Variants in PRR16 observed in about 807,000 individuals in gnomAD.
PRR16 encodes proline rich 16.
A neutral mutation model predicts 18.2 loss-of-function variants in PRR16; 6 were observed. That is an observed-to-expected ratio of 0.33 (90% CI 0.18 to 0.65). PRR16 has a LOEUF of 0.65. Ranked by LOEUF, PRR16 falls within the 30% of genes least tolerant of loss-of-function variation. The probability of loss-of-function intolerance (pLI) is 0.74; values close to 1 mark genes in which losing one functional copy is unlikely to be tolerated. For missense variants in PRR16, 412 were observed against 376.6 expected (o/e 1.09, Z -0.78); for synonymous variants, 151 against 147.8 (o/e 1.02, Z -0.16).
the PRR16 span, among the ~76,000 whole-genome samples, chr5:120,755,863 C>G: frequency 6.6e-6 from 1 of 152,046 alleles, no homozygotes; most frequent in Admixed American, 6.6e-5. Context: ...GCAATGAAAG[C>G]ACAGATTTAC....
At chr5:120,606,284 C>T (rs899594709) in intron 1 of PRR16, among the ~76,000 whole-genome samples, 2 of 152,100 alleles carry the variant, frequency 1.3e-5, no homozygotes, top group Admixed American at 6.5e-5. Flanking sequence ...CCTCAGGACT[C>T]CCAGAGCTGA....
At chr5:120,771,838 C>G in the PRR16 span, among the ~76,000 whole-genome samples, 1 of 151,418 alleles carries the variant, frequency 6.6e-6, no homozygotes, top group Admixed American at 6.6e-5. Flanking sequence ...ACTAGAAACA[C>G]GACTTTATAT....
chr5:120,481,751 G>A (rs1018354616), intron 1 of PRR16, among the ~76,000 whole-genome samples: 6 of 152,142 alleles, frequency 3.9e-5, no homozygotes, highest in Non-Finnish European at 7.4e-5. Context: ...TTTGGTTAGT[G>A]ATAAAATTTT....
At position 120,686,039 on chromosome 5, in the gene PRR16, G is replaced by GTA. The variant is rs746379959; in HGVS notation, c.246_247dup (p.Ser83IlefsTer11). On this transcript the variant is annotated frameshift_variant, in exon 2 of 2. Transcript: ENST00000407149. LOFTEE classifies it high-confidence loss of function. ...AGCTCCAAAACGGACACGCTGAATA[G>GTA]TAGCTCAAGTGGCACAACAGCCTCC... The GTA allele has an allele frequency of 6.2e-7, 1 of 1,613,996 alleles. No individual in the cohort carries two copies. The highest frequency in any genetic ancestry group is 8.5e-7 in the Non-Finnish European group (1 of 1,180,028).
intron 1 of PRR16, among the ~76,000 whole-genome samples, chr5:120,490,690 G>C (rs967214499): frequency 6.6e-6 from 1 of 152,174 alleles, no homozygotes; most frequent in African/African-American, 2.4e-5. Flanking sequence ...TTCCGTTGCT[G>C]GTGAGGAACT....
rs757280835 is a variant in PRR16, at chr5:120,686,638, A to G, written c.844A>G (p.Thr282Ala). Reference sequence around the variant, plus strand: ...CAGCTTCCCCCCTATCAGACCTGCAACTGTGCCTCCTCCCACTGCACCAAA... The same window carrying G: ...CAGCTTCCCCCCTATCAGACCTGCAGCTGTGCCTCCTCCCACTGCACCAAA... The part of the protein sequence containing the change: ...SNSFPPIRPA[T>A]VPPPTAPKPQ... Residue 282 changes from threonine to alanine, a missense_variant, in exon 2 of 2, where the codon ACT becomes GCT. Physicochemically the swap from Thr to Ala is moderately conservative, Grantham distance 58. Coordinates refer to ENST00000407149, the MANE Select transcript of PRR16 (RefSeq NM_001300783.2). 2 of 1,603,602 alleles carry G rather than the reference A, an allele frequency of 1.2e-6. No individual in the cohort carries two copies. Among genetic ancestry groups the G allele is most frequent in the Non-Finnish European group, 1.7e-6 (2 of 1,174,044 alleles).
At chr5:120,785,553 G>T in the PRR16 span, among the ~76,000 whole-genome samples, 1 of 138,980 alleles carries the variant, frequency 7.2e-6, no homozygotes, top group Non-Finnish European at 1.6e-5. Context: ...CTGTGTATGT[G>T]TGTGTGTGTT....
chr5:120,625,527 A>G (rs771558754), intron 1 of PRR16, among the ~76,000 whole-genome samples: 1 of 152,048 alleles, frequency 6.6e-6, no homozygotes, highest in East Asian at 1.9e-4. Context: ...TGGTAGAGAC[A>G]GGTTCTCACT....
intron 1 of PRR16, among the ~76,000 whole-genome samples, chr5:120,624,364 A>T (rs953671991): frequency 7.4e-4 from 112 of 152,304 alleles, no homozygotes; most frequent in African/African-American, 2.5e-3. Context: ...AACCAAATAG[A>T]GTGATTAAAG....
In PRR16 at chr5:120,647,393, T is replaced by TA. The variant is rs141579522; in HGVS notation, c.160-38551dup. On this transcript the variant is annotated intron_variant, in intron 1 of 1. Transcript: ENST00000407149. Reference sequence around the variant, plus strand: ...AACCTGCTTAATTTTTTAAGAGATTTAAAAAAAAAAGAGATTTCATAAATA... The same window carrying TA: ...AACCTGCTTAATTTTTTAAGAGATTTAAAAAAAAAAAGAGATTTCATAAATA... Among the ~76,000 whole-genome samples, 588 of 148,844 alleles carry TA rather than the reference T, an allele frequency of 4.0e-3. 3 individuals are homozygous for TA. Among genetic ancestry groups the TA allele is most frequent in the African/African-American group, 0.013 (545 of 40,622 alleles).
At chr5:120,716,448 T>A in the PRR16 span, among the ~76,000 whole-genome samples, 1 of 152,304 alleles carries the variant, frequency 6.6e-6, no homozygotes, top group South Asian at 2.1e-4. Context: ...TTTACATGTT[T>A]TTCTTCTTTC....
chr5:120,728,012 G>T, the PRR16 span, among the ~76,000 whole-genome samples: 1 of 151,902 alleles, frequency 6.6e-6, no homozygotes, highest in African/African-American at 2.4e-5. Flanking sequence ...ATATTAGGCA[G>T]CTATTGAAAG....
At chr5:120,599,762 C>T (rs907387184) in intron 1 of PRR16, among the ~76,000 whole-genome samples, 10 of 151,848 alleles carry the variant, frequency 6.6e-5, no homozygotes, top group Non-Finnish European at 1.5e-4. Context: ...GCCTCTAGCC[C>T]AGCGTCTTTC....
the PRR16 span, among the ~76,000 whole-genome samples, chr5:120,774,612 G>A: frequency 2.0e-5 from 3 of 152,034 alleles, no homozygotes; most frequent in East Asian, 1.9e-4. Flanking sequence ...ATCCTGCTGA[G>A]TTGTAAAACC....
intron 1 of PRR16, among the ~76,000 whole-genome samples, chr5:120,648,618 A>G (rs753692234): frequency 2.0e-5 from 3 of 152,182 alleles, no homozygotes; most frequent in Non-Finnish European, 4.4e-5. Context: ...AGTGGCAACA[A>G]CCAGGACATT....
chr5:120,662,607 C>T (rs139576391), intron 1 of PRR16, among the ~76,000 whole-genome samples: 72 of 152,196 alleles, frequency 4.7e-4, no homozygotes, highest in Admixed American at 9.2e-4. Flanking sequence ...TCTCCCCTTC[C>T]GCACACCATA....
intron 1 of PRR16, among the ~76,000 whole-genome samples, chr5:120,530,277 A>ATTTATT (rs1288157896): frequency 7.9e-6 from 1 of 126,228 alleles, no homozygotes; most frequent in African/African-American, 3.4e-5. Flanking sequence ...ATATATATAT[A>ATTTATT]TATATATTTA....
the PRR16 span, among the ~76,000 whole-genome samples, chr5:120,708,461 A>G: frequency 6.6e-6 from 1 of 152,194 alleles, no homozygotes; most frequent in Non-Finnish European, 1.5e-5. Context: ...TAATTGTCAG[A>G]AAATGATTTC....
At chr5:120,738,009 A>G in the PRR16 span, among the ~76,000 whole-genome samples, 6,965 of 152,186 alleles carry the variant, frequency 0.046, 565 homozygotes, top group African/African-American at 0.16. Flanking sequence ...TCGGAGATCA[A>G]TTCAGGAAAT....
Sources: allele counts gnomAD v4.1 joint callset (sites outside exome capture counted in the v4.1 genomes callset), GRCh38; gene constraint gnomAD v4.1.1; transcripts MANE v1.5; gene names NCBI Gene and HGNC (gene_info 2026-07-23, HGNC 2026-07-21).